The following HIVEP3 variants were observed in gnomAD, a reference collection of about 807,000 sequenced individuals.
HIVEP3 encodes the protein HIVEP zinc finger 3.
In HIVEP3, 49 loss-of-function variants were observed where a neutral mutation model predicts 152.8. The observed-to-expected ratio is 0.32, with a 90% CI of 0.26 to 0.41. The LOEUF (loss-of-function observed/expected upper bound fraction) is 0.41. Among genes scored for constraint, HIVEP3 ranks in the 10% least tolerant of loss-of-function variants. The pLI is 1.00. For missense variants in HIVEP3, 2,790 were observed against 3,103.3 expected (o/e 0.90, Z 2.40); for synonymous variants, 1,269 against 1,289.0 (o/e 0.98, Z 0.33).
intron 5 of HIVEP3, among the ~76,000 whole-genome samples, chr1:41,558,823 G>A (rs986405574): frequency 5.9e-5 from 9 of 152,148 alleles, no homozygotes; most frequent in African/African-American, 2.2e-4. Context: ...CCTGCCAGCT[G>A]GTCACAAGGC....
At chr1:41,726,110 C>T (rs1030545268) in intron 1 of HIVEP3, among the ~76,000 whole-genome samples, 2 of 152,160 alleles carry the variant, frequency 1.3e-5, no homozygotes, top group African/African-American at 4.8e-5. Context: ...AGTATATTAA[C>T]TAAATATTAA....
chr1:41,547,963 C>T (rs1643845091), intron 5 of HIVEP3, among the ~76,000 whole-genome samples: 2 of 152,086 alleles, frequency 1.3e-5, no homozygotes, highest in African/African-American at 4.8e-5. Flanking sequence ...CTGCACGGTG[C>T]TAATGCTCTG....
At position 41,584,924 on chromosome 1, in the gene HIVEP3, C is replaced by G. The variant is rs1256080518; in HGVS notation, c.-127G>C. The G allele has an allele frequency of 1.1e-6, 1 of 894,264 alleles. No individual in the cohort carries two copies. The highest frequency in any genetic ancestry group is 1.6e-6 in the Non-Finnish European group (1 of 640,808). The allele number at this position is 894,264 out of a possible 1,614,324, so 55.4% of individuals were successfully genotyped here. A position where few individuals can be genotyped will look rare whatever the true frequency, so the allele number is the denominator to read the frequency against. ...TGGTCAAGAGCTGTGGGAGCCAAAC[C>G]CAAGACGGCTTTGGGAGTTTTTTGC... is the stretch of plus-strand genomic sequence containing the variant. On this transcript the variant is annotated 5_prime_UTR_variant, in exon 4 of 9. Transcript: ENST00000372583. This position sits in a 1 kb window ranked among gnomAD's most constrained non-coding sequence, Gnocchi z 5.2.
chr1:41,666,467 C>T (rs964863387), intron 2 of HIVEP3, among the ~76,000 whole-genome samples: 2 of 152,166 alleles, frequency 1.3e-5, no homozygotes, highest in African/African-American at 4.8e-5. Flanking sequence ...TTCTCATCTC[C>T]AAGGGCTGCT....
intron 1 of HIVEP3, among the ~76,000 whole-genome samples, chr1:41,721,115 G>T (rs1646667227): frequency 6.6e-6 from 1 of 152,164 alleles, no homozygotes; most frequent in South Asian, 2.1e-4. Flanking sequence ...CTAGAGACCT[G>T]CTGTGCAACA....
intron 1 of HIVEP3, among the ~76,000 whole-genome samples, chr1:41,929,005 A>AT (rs1644982401): frequency 6.6e-6 from 1 of 152,014 alleles, no homozygotes; most frequent in African/African-American, 2.4e-5. Flanking sequence ...TGAAATTACT[A>AT]TTTTTCCCTT....
intron 5 of HIVEP3, among the ~76,000 whole-genome samples, chr1:41,559,300 A>G (rs1014432107): frequency 7.2e-5 from 11 of 152,154 alleles, no homozygotes; most frequent in African/African-American, 2.7e-4. Flanking sequence ...ATTATCATTT[A>G]AGGTTTTTAT....
In HIVEP3 at chr1:41,593,372, C is replaced by T. The variant is rs533212167; in HGVS notation, c.-521-8054G>A. On this transcript the variant is annotated intron_variant, in intron 3 of 8. Transcript: ENST00000372583. ...ATCTAGGTTTACCTCTTTCTTTTTGCGGGCAGCAGCACTGTATTCCATTTT... is the reference window on the plus strand; with the variant it reads ...ATCTAGGTTTACCTCTTTCTTTTTGTGGGCAGCAGCACTGTATTCCATTTT... Among the ~76,000 whole-genome samples, 8 of 152,050 alleles carry T rather than the reference C, an allele frequency of 5.3e-5. No homozygotes were observed. The East Asian group carries it at 5.8e-4, about 11-fold the overall frequency.
At chr1:41,876,733 C>T (rs1644176562) in intron 1 of HIVEP3, among the ~76,000 whole-genome samples, 1 of 152,204 alleles carries the variant, frequency 6.6e-6, no homozygotes, top group Non-Finnish European at 1.5e-5. Flanking sequence ...GGAAAACTAT[C>T]CCACTCCAGC....
rs1476704756 is a variant in HIVEP3 at position 41,513,511 on chromosome 1, C to T, written c.5710G>A (p.Asp1904Asn). The change falls in exon 8 of 9, where the codon GAT becomes AAT. Residue 1904 changes from aspartate (D) to asparagine (N), a missense_variant. Around this residue, in one of 9 missense-constraint regions of HIVEP3, gnomAD observed 816 missense variants for 806.5 expected, o/e 1.01. Transcript: ENST00000372583. ...SSPILGPQPP[D>N]APASGTEATR... The stretch of plus-strand genomic sequence containing the variant: ...GCCTCCGTGCCAGAGGCGGGGGCAT[C>T]TGGGGGCTGAGGGCCCAGGATGGGT... 1.2e-6 allele frequency: 2 copies of T among 1,604,728 alleles called. No individual in the cohort carries two copies. Among genetic ancestry groups the T allele is most frequent in the Admixed American group, 3.4e-5 (2 of 59,648 alleles).
intron 1 of HIVEP3, among the ~76,000 whole-genome samples, chr1:41,990,694 A>G (rs1160416376): frequency 2.6e-5 from 4 of 151,620 alleles, no homozygotes; most frequent in African/African-American, 9.7e-5. Context: ...TCAACAGAAT[A>G]TATATTTTTT....
At chr1:41,674,765 C>G (rs1474339791) in intron 2 of HIVEP3, among the ~76,000 whole-genome samples, 1 of 152,212 alleles carries the variant, frequency 6.6e-6, no homozygotes, top group Admixed American at 6.5e-5. Flanking sequence ...TTGTCTGCAG[C>G]CTTTCCCATG....
intron 1 of HIVEP3, among the ~76,000 whole-genome samples, chr1:41,746,231 C>A (rs1326849796): frequency 2.0e-5 from 3 of 152,180 alleles, no homozygotes; most frequent in Admixed American, 2.0e-4. Flanking sequence ...TAATGGGTAC[C>A]AAATGACTGG....
intron 2 of HIVEP3, among the ~76,000 whole-genome samples, chr1:41,642,232 C>T (rs962577884): frequency 1.3e-5 from 2 of 152,244 alleles, no homozygotes; most frequent in African/African-American, 4.8e-5. Context: ...AGTCACTCCT[C>T]GCCCCAAATC....
At chr1:41,520,925 C>T (rs1302179075) in intron 6 of HIVEP3, among the ~76,000 whole-genome samples, 1 of 152,178 alleles carries the variant, frequency 6.6e-6, no homozygotes, top group South Asian at 2.1e-4. Context: ...TGAACCAACA[C>T]AGTGAATCAA....
chr1:42,027,690 G>C (rs1307455202), intron 1 of HIVEP3, among the ~76,000 whole-genome samples: 3 of 152,200 alleles, frequency 2.0e-5, no homozygotes, highest in Non-Finnish European at 4.4e-5. Flanking sequence ...GGAACAAAAA[G>C]AGGTTTAACT....
At chr1:41,770,297 T>C (rs1374134712) in intron 1 of HIVEP3, among the ~76,000 whole-genome samples, 2 of 152,196 alleles carry the variant, frequency 1.3e-5, no homozygotes, top group Non-Finnish European at 2.9e-5. Context: ...AAACAGGATA[T>C]CTGCATAGCC....
intron 3 of HIVEP3, among the ~76,000 whole-genome samples, chr1:41,591,618 C>G (rs997623493): frequency 3.9e-5 from 6 of 151,938 alleles, no homozygotes; most frequent in African/African-American, 1.5e-4. Context: ...TCCATGGAAG[C>G]CACACTAGAT....
chr1:41,530,195 G>A (rs1643203452), intron 5 of HIVEP3, among the ~76,000 whole-genome samples: 1 of 152,242 alleles, frequency 6.6e-6, no homozygotes, highest in Non-Finnish European at 1.5e-5. Context: ...TGACCAGCCA[G>A]TTTTGGCCGT....
Sources: allele counts gnomAD v4.1 joint callset (sites outside exome capture counted in the v4.1 genomes callset), GRCh38; gene constraint gnomAD v4.1.1; regional missense constraint gnomAD v4.1.1; non-coding constraint Gnocchi (gnomAD v3.1); transcripts MANE v1.5; gene names NCBI Gene and HGNC (gene_info 2026-07-23, HGNC 2026-07-21).